PFKFB3: variants seen among roughly 807,000 people sequenced by gnomAD.
The protein encoded by PFKFB3 is 6-phosphofructo-2-kinase/fructose-2,6-bisphosphatase 3.
PFKFB3 carries 33 observed loss-of-function variants against 68.0 expected under a neutral mutation model. That is an observed-to-expected ratio of 0.49 (90% CI 0.37 to 0.65). The LOEUF (loss-of-function observed/expected upper bound fraction) is 0.65. Ranked by LOEUF, PFKFB3 falls within the 30% of genes least tolerant of loss-of-function variation. The pLI, the probability that PFKFB3 is intolerant of heterozygous loss-of-function variation, is 0.00. For synonymous variants in PFKFB3, 315 were observed against 288.2 expected (o/e 1.09, Z -0.94); for missense variants, 586 against 712.2 (o/e 0.82, Z 2.02).
chr10:6,250,428 G>A (rs946270896), intron 14 of PFKFB3, among the ~76,000 whole-genome samples: 1 of 152,124 alleles, frequency 6.6e-6, no homozygotes, highest in South Asian at 2.1e-4. Flanking sequence ...AAAATTAGCC[G>A]GGCATGGTGG....
intron 4 of PFKFB3, among the ~76,000 whole-genome samples, chr10:6,216,470 C>G (rs2251469): frequency 0.27 from 40,721 of 152,116 alleles, 5,507 homozygotes; most frequent in East Asian, 0.31. Flanking sequence ...TACTGTTTTG[C>G]TTGTTTGCTT....
At chr10:6,319,065 A>G in the PFKFB3 span, among the ~76,000 whole-genome samples, 1 of 152,222 alleles carries the variant, frequency 6.6e-6, no homozygotes, top group Non-Finnish European at 1.5e-5. Context: ...TAAATATTCT[A>G]AAAGTGCCTT....
At chr10:6,254,796 T>C (rs1846463681), downstream of PFKFB3, among the ~76,000 whole-genome samples, 1 of 147,820 alleles carries the variant, frequency 6.8e-6, no homozygotes, top group Non-Finnish European at 1.5e-5. Flanking sequence ...TATTTTCTTA[T>C]TTTTTTCTGT....
intron 1 of PFKFB3, among the ~76,000 whole-genome samples, chr10:6,190,619 T>A (rs2131820518): frequency 6.6e-6 from 1 of 152,210 alleles, no homozygotes; most frequent in Admixed American, 6.5e-5. Context: ...CTGGGCAACA[T>A]CGTGAGACCC....
the PFKFB3 span, among the ~76,000 whole-genome samples, chr10:6,260,553 T>C: frequency 1.3e-5 from 2 of 152,202 alleles, no homozygotes; most frequent in Non-Finnish European, 2.9e-5. Flanking sequence ...CTTCTCTGCT[T>C]CTTTTTATAG....
intron 2 of PFKFB3, among the ~76,000 whole-genome samples, chr10:6,214,906 C>G (rs1041191848): frequency 6.6e-6 from 1 of 152,238 alleles, no homozygotes; most frequent in Non-Finnish European, 1.5e-5. Context: ...CTCCCCCCAC[C>G]CATCCTCACA....
At chr10:6,178,024 G>A (rs540572464) in intron 1 of PFKFB3, among the ~76,000 whole-genome samples, 4 of 152,320 alleles carry the variant, frequency 2.6e-5, no homozygotes, top group South Asian at 2.1e-4. Flanking sequence ...GGTGGATGCT[G>A]GTTCAGGGCT....
At position 6,232,820 on chromosome 10, in the gene PFKFB3, C is replaced by T. The variant is rs1013385932; in HGVS notation, c.1516-75C>T. 4.2e-5 allele frequency: 48 copies of T among 1,133,664 alleles called. No individual in the cohort carries two copies. In the South Asian group the frequency reaches 4.8e-4, roughly 11 times the overall value. 70.2% of individuals were successfully genotyped at this position (1,133,664 alleles called of 1,614,324 possible). On this transcript the variant is annotated intron_variant, in intron 14 of 14. Transcript: ENST00000379775. ...GGGAAGAATTCTCCGTTGCATGGCT[C>T]GCGTCTTCTGCTTTAGAATTCAGCC...
chr10:6,212,127 G>C (rs1251684433), intron 1 of PFKFB3, among the ~76,000 whole-genome samples: 1 of 152,268 alleles, frequency 6.6e-6, no homozygotes, highest in African/African-American at 2.4e-5. Flanking sequence ...TGTGGGCTGT[G>C]TCTGGGAATG....
intron 1 of PFKFB3, among the ~76,000 whole-genome samples, chr10:6,165,945 G>A (rs1035377290): frequency 6.6e-6 from 1 of 150,382 alleles, no homozygotes; most frequent in Non-Finnish European, 1.5e-5. Flanking sequence ...CTCGTGAGTA[G>A]CTGGGATTAC....
the PFKFB3 span, among the ~76,000 whole-genome samples, chr10:6,266,471 C>T: frequency 1.3e-5 from 2 of 152,140 alleles, no homozygotes; most frequent in Admixed American, 1.3e-4. Context: ...GCCCTCGGTC[C>T]TAGATCTGGT....
the PFKFB3 span, among the ~76,000 whole-genome samples, chr10:6,291,586 A>G: frequency 6.6e-6 from 1 of 151,442 alleles, no homozygotes; most frequent in Admixed American, 6.6e-5. Context: ...TGTCCTGTTT[A>G]CTAGAACAAT....
At chr10:6,184,797 C>T (rs1418309576) in intron 1 of PFKFB3, among the ~76,000 whole-genome samples, 9 of 115,732 alleles carry the variant, frequency 7.8e-5, no homozygotes, top group South Asian at 5.7e-4. Context: ...TTTAAGAGAG[C>T]GTGTTTAGCT....
chr10:6,151,522 G>T (rs778301212), intron 1 of PFKFB3, among the ~76,000 whole-genome samples: 30 of 152,174 alleles, frequency 2.0e-4, no homozygotes, highest in Non-Finnish European at 4.0e-4. Context: ...TGTTTGAGGG[G>T]TGACTGACAA....
chr10:6,211,943 G>C (rs1844257206), intron 1 of PFKFB3, among the ~76,000 whole-genome samples: 1 of 152,200 alleles, frequency 6.6e-6, no homozygotes, highest in Admixed American at 6.5e-5. Context: ...ACTTCAGTTT[G>C]GAGCCCTGCT....
chr10:6,262,209 G>GT, the PFKFB3 span, among the ~76,000 whole-genome samples: 1 of 151,792 alleles, frequency 6.6e-6, no homozygotes, highest in African/African-American at 2.4e-5. Flanking sequence ...AGTCCCAGCA[G>GT]TTTGGGAGGC....
chr10:6,193,031 T>TAA (rs1843075879), intron 1 of PFKFB3, among the ~76,000 whole-genome samples: 1 of 152,182 alleles, frequency 6.6e-6, no homozygotes, highest in Non-Finnish European at 1.5e-5. Flanking sequence ...GCTTCTTATG[T>TAA]GAGCCAGTAC....
intron 1 of PFKFB3, among the ~76,000 whole-genome samples, chr10:6,147,887 G>T (rs1359248921): frequency 6.6e-6 from 1 of 152,204 alleles, no homozygotes; most frequent in Non-Finnish European, 1.5e-5. Context: ...ACAGAGCTGG[G>T]TGGATTTCCC....
the PFKFB3 span, among the ~76,000 whole-genome samples, chr10:6,284,299 G>A: frequency 0.011 from 1,677 of 152,150 alleles, 31 homozygotes; most frequent in African/African-American, 0.038. Flanking sequence ...AACTATAATC[G>A]GGAATTCATC....
Sources: allele counts gnomAD v4.1 joint callset (sites outside exome capture counted in the v4.1 genomes callset), GRCh38; gene constraint gnomAD v4.1.1; transcripts MANE v1.5; gene names NCBI Gene and HGNC (gene_info 2026-07-23, HGNC 2026-07-21).